Variants in RASSF3 observed in about 807,000 individuals in gnomAD.
The protein encoded by RASSF3 is ras association domain-containing protein 3.
A neutral mutation model predicts 19.9 loss-of-function variants in RASSF3; 19 were observed. That is an observed-to-expected ratio of 0.96 (90% confidence interval 0.67 to 1.40). RASSF3 has a LOEUF of 1.40. Among genes scored for constraint, RASSF3 ranks in the 40% most tolerant of loss-of-function variants. The probability of loss-of-function intolerance (pLI) is 0.00; values close to 1 mark genes in which losing one functional copy is unlikely to be tolerated. For synonymous variants in RASSF3, 110 were observed against 104.2 expected (o/e 1.06, Z -0.34); for missense variants, 306 against 289.8 (o/e 1.06, Z -0.41).
At chr12:64,665,993 G>GT (rs1872530812) in intron 1 of RASSF3, among the ~76,000 whole-genome samples, 1 of 152,232 alleles carries the variant, frequency 6.6e-6, no homozygotes, top group Non-Finnish European at 1.5e-5. Context: ...CAAAGGGCAG[G>GT]TATTTTTATG....
intron 1 of RASSF3, among the ~76,000 whole-genome samples, chr12:64,652,153 G>A (rs1871978687): frequency 6.6e-6 from 1 of 152,174 alleles, no homozygotes. Flanking sequence ...GATGAGGAAG[G>A]ATGGTATTTT....
At chr12:64,520,518 ATG>A (rs1868450290) in intron 1 of RASSF3, among the ~76,000 whole-genome samples, 2 of 148,376 alleles carry the variant, frequency 1.3e-5, no homozygotes, top group Admixed American at 6.8e-5. Context: ...GTGCGTGCAT[ATG>A]TGTGTGTATA....
chr12:64,530,308 A>T (rs199914369), upstream of RASSF3, among the ~76,000 whole-genome samples: 4 of 147,750 alleles, frequency 2.7e-5, no homozygotes, highest in East Asian at 5.9e-4. Context: ...GTGCACAACA[A>T]TTTTTTTTTT....
chr12:64,675,224 G>C (rs1283029405), intron 1 of RASSF3, among the ~76,000 whole-genome samples: 1 of 152,040 alleles, frequency 6.6e-6, no homozygotes, highest in African/African-American at 2.4e-5. Flanking sequence ...CCTTTATAAT[G>C]TACTCATTTG....
At chr12:64,569,849 C>T (rs1003413740) in intron 2 of RASSF3, among the ~76,000 whole-genome samples, 6 of 152,136 alleles carry the variant, frequency 3.9e-5, no homozygotes, top group Non-Finnish European at 8.8e-5. Flanking sequence ...CCTGTAATCC[C>T]AGCTACTTGG....
chr12:64,667,079 G>C (rs1872555650), intron 1 of RASSF3, among the ~76,000 whole-genome samples: 1 of 151,976 alleles, frequency 6.6e-6, no homozygotes, highest in Admixed American at 6.6e-5. Flanking sequence ...GCTGGGCTGG[G>C]GGCAGGTCTG....
intron 1 of RASSF3, among the ~76,000 whole-genome samples, chr12:64,525,475 C>G (rs1258221514): frequency 1.3e-5 from 2 of 152,034 alleles, no homozygotes; most frequent in Non-Finnish European, 2.9e-5. Flanking sequence ...TTGTTTTCCC[C>G]CCATCTCCTT....
At chr12:64,561,560 C>T (rs1052660276) in intron 2 of RASSF3, among the ~76,000 whole-genome samples, 8 of 152,066 alleles carry the variant, frequency 5.3e-5, no homozygotes, top group African/African-American at 1.9e-4. Flanking sequence ...TACCACTGAA[C>T]AGCTCATTGA....
At position 64,688,987 on chromosome 12, in the gene RASSF3, C is replaced by T. The variant is rs75857175; in HGVS notation, c.457+534C>T. 3.7e-3 allele frequency among the ~76,000 whole-genome samples: 559 copies of T among 152,156 alleles called. 4 individuals carry two copies. The highest frequency in any genetic ancestry group is 0.013 in the African/African-American group (519 of 41,502). On this transcript the variant is annotated intron_variant, in intron 3 of 4. Coordinates refer to ENST00000542104, the MANE Select transcript of RASSF3 (RefSeq NM_178169.4). Reference sequence around the variant, plus strand: ...TAGCTTGTCTCACTTGGTGTTACGCCGGGACATTTTGGTACTCTGTCCCCC... The same window carrying T: ...TAGCTTGTCTCACTTGGTGTTACGCTGGGACATTTTGGTACTCTGTCCCCC...
chr12:64,664,699 T>C (rs1872488706), intron 1 of RASSF3, among the ~76,000 whole-genome samples: 1 of 152,090 alleles, frequency 6.6e-6, no homozygotes, highest in African/African-American at 2.4e-5. Context: ...AAAATTAAAT[T>C]CAAATGTATA....
intron 1 of RASSF3, among the ~76,000 whole-genome samples, chr12:64,611,082 C>T (rs1478959154): frequency 1.3e-5 from 2 of 152,202 alleles, no homozygotes; most frequent in Admixed American, 6.5e-5. Flanking sequence ...CAGGTTTCCC[C>T]TTCGCGTCCC....
Position 64,668,390 on chromosome 12 carries a change from A to G in RASSF3, c.112-16397A>G, listed in dbSNP as rs1872593283. 1.3e-5 allele frequency among the ~76,000 whole-genome samples: 2 copies of G among 151,666 alleles called. 1 individual carries two copies. The highest frequency in any genetic ancestry group is 4.2e-4 in the South Asian group (2 of 4,818). ...ACTTCACAGGCTCAATCAATTCTCC[A>G]GCCTTAGCCTCCAAGTAGCTATAGG... On this transcript the variant is annotated intron_variant, in intron 1 of 4. Transcript: ENST00000542104.
intron 1 of RASSF3, among the ~76,000 whole-genome samples, chr12:64,660,052 G>A (rs1244880): frequency 3.2e-4 from 35 of 109,570 alleles, no homozygotes; most frequent in Admixed American, 1.7e-3. Context: ...GTGTGTGTAT[G>A]TATATATATA....
Position 64,641,778 on chromosome 12 carries a change from T to G in RASSF3, c.111+31035T>G, listed in dbSNP as rs1425855968. 2.6e-5 allele frequency among the ~76,000 whole-genome samples: 4 copies of G among 151,982 alleles called. No individual in the cohort carries two copies. In the East Asian group the frequency reaches 7.7e-4, roughly 29 times the overall value. The stretch of plus-strand genomic sequence containing the variant: ...TTTTTTTTGGATGGAGTTTCGCCCT[T>G]GTTGCCCAGGCTAGAGTGCAGTAGT... On this transcript the variant is annotated intron_variant, in intron 1 of 4. Coordinates refer to ENST00000542104, the MANE Select transcript of RASSF3 (RefSeq NM_178169.4).
intron 1 of RASSF3, among the ~76,000 whole-genome samples, chr12:64,684,306 A>G (rs1013325204): frequency 6.6e-6 from 1 of 151,568 alleles, no homozygotes; most frequent in African/African-American, 2.4e-5. Context: ...GCCTGGTCAC[A>G]ATCTCCAGGG....
At chr12:64,609,865 A>C (rs1800435635), upstream of RASSF3, among the ~76,000 whole-genome samples, 1 of 152,226 alleles carries the variant, frequency 6.6e-6, no homozygotes, top group Non-Finnish European at 1.5e-5. Flanking sequence ...GCTAGAAAGA[A>C]GGGGAAAAGG....
At chr12:64,510,840 A>G (rs11175425) in intron 1 of RASSF3, among the ~76,000 whole-genome samples, 2,311 of 152,286 alleles carry the variant, frequency 0.015, 52 homozygotes, top group African/African-American at 0.051. Context: ...TAAAAAACAG[A>G]GCTCAAGAGC....
intron 1 of RASSF3, among the ~76,000 whole-genome samples, chr12:64,663,111 T>G (rs1182723187): frequency 6.6e-6 from 1 of 152,188 alleles, no homozygotes; most frequent in African/African-American, 2.4e-5. Flanking sequence ...GTATTAATAA[T>G]TATGTAAGTG....
At chr12:64,550,021 TTAAG>T (rs1869131432) in intron 2 of RASSF3, among the ~76,000 whole-genome samples, 1 of 152,088 alleles carries the variant, frequency 6.6e-6, no homozygotes, top group Non-Finnish European at 1.5e-5. Flanking sequence ...AGGGAGGTGA[TTAAG>T]TTTTACAGAA....
Sources: gnomAD v4.1 joint callset for allele counts (sites outside exome capture counted in the v4.1 genomes callset) on GRCh38, gnomAD v4.1.1 for gene constraint, MANE v1.5 for transcripts, NCBI Gene and HGNC (gene_info 2026-07-23, HGNC 2026-07-21) for gene names.